The following AMPD1 variants were observed in gnomAD, a reference collection of about 807,000 sequenced individuals.
AMPD1 encodes adenosine monophosphate deaminase 1.
Under a neutral mutation model 82.9 loss-of-function variants are expected in AMPD1, and 74 were observed. The ratio of observed to expected loss-of-function variants is 0.89; its 90% CI spans 0.74 to 1.08. The LOEUF (loss-of-function observed/expected upper bound fraction) is 1.08. Ranked by LOEUF, AMPD1 falls within the 50% of genes least tolerant of loss-of-function variation. The pLI, the probability that AMPD1 is intolerant of heterozygous loss-of-function variation, is 0.00. For missense variants in AMPD1, 881 were observed against 924.5 expected (o/e 0.95, Z 0.61); for synonymous variants, 333 against 320.5 (o/e 1.04, Z -0.42).
intron 3 of AMPD1, chr1:114,687,125 C>T (rs1658344774): frequency 1.7e-6 from 1 of 590,878 alleles, no homozygotes; most frequent in African/African-American, 1.9e-5. Flanking sequence ...CTTGGAATGG[C>T]CTTAGCAATC....
At chr1:114,684,155 T>C (rs1179053065) in intron 5 of AMPD1, 44 bp downstream of exon 5, 1 of 1,579,056 alleles carries the variant, frequency 6.3e-7, no homozygotes, top group East Asian at 2.3e-5. Context: ...TATTTAGTAG[T>C]TTAAATAAAA....
intron 6 of AMPD1, 98 bp from the exon 7 acceptor site, chr1:114,679,806 A>G: frequency 6.9e-7 from 1 of 1,444,600 alleles, no homozygotes; most frequent in Non-Finnish European, 9.7e-7. Context: ...ATTCATAGGA[A>G]ATAATTGTTG....
At chr1:114,691,278 G>T (rs924525391) in intron 2 of AMPD1, among the ~76,000 whole-genome samples, 4 of 152,126 alleles carry the variant, frequency 2.6e-5, no homozygotes, top group African/African-American at 9.7e-5. Context: ...AGTGGGCCTG[G>T]CATGGTGACT....
intron 9 of AMPD1, 123 bp from the exon 10 acceptor site, chr1:114,677,637 A>G (rs1380861984): frequency 3.7e-6 from 5 of 1,349,658 alleles, no homozygotes; most frequent in Non-Finnish European, 4.1e-6. Flanking sequence ...TCCTTAATCA[A>G]TCTCAAAACC....
intron 5 of AMPD1, among the ~76,000 whole-genome samples, chr1:114,682,717 T>C (rs1025717115): frequency 7.9e-5 from 12 of 152,164 alleles, no homozygotes; most frequent in African/African-American, 1.7e-4. Context: ...TAGCTGGGAC[T>C]ACAGGCGCCC....
chr1:114,689,385 G>A (rs1658440242), intron 2 of AMPD1, among the ~76,000 whole-genome samples: 1 of 152,076 alleles, frequency 6.6e-6, no homozygotes, highest in African/African-American at 2.4e-5. Context: ...CATTTCTTGT[G>A]GACATAGGCC....
chr1:114,673,792 A>G (rs1201802035), intron 14 of AMPD1, 43 bp from the exon 15 acceptor site: 1 of 1,577,274 alleles, frequency 6.3e-7, no homozygotes, highest in South Asian at 1.1e-5. Context: ...GTGAATTAAT[A>G]AATAATATGC....
intron 5 of AMPD1, 120 bp from the exon 6 acceptor site, chr1:114,680,598 A>G (rs570638145): frequency 9.9e-6 from 8 of 806,858 alleles, no homozygotes; most frequent in East Asian, 5.0e-5. Flanking sequence ...TTAAGTTGTA[A>G]TTATCTGGAA....
Position 114,673,122 on chromosome 1 carries a change from T to C in AMPD1, c.2236A>G (p.Thr746Ala). 2 of 1,613,826 alleles carry C rather than the reference T, an allele frequency of 1.2e-6. No individual in the cohort carries two copies. Among genetic ancestry groups the C allele is most frequent in the Non-Finnish European group, 1.7e-6 (2 of 1,179,740 alleles). ...LNLIAEGLKS[T>A]E ...ATTTGGTTTACTTTTTTTTATTCTGTTGATTTAAGACCCTCAGCAATTAAA... is the reference window on the plus strand; with the variant it reads ...ATTTGGTTTACTTTTTTTTATTCTGCTGATTTAAGACCCTCAGCAATTAAA... Residue 746 changes from threonine (T) to alanine (A), a missense_variant, in exon 16 of 16, where the codon ACA becomes GCA. This residue lies in a region of AMPD1 where 98 missense variants were observed against 138.1 expected (regional missense o/e 0.71). Transcript: ENST00000520113.
intron 5 of AMPD1, 79 bp downstream of exon 5, chr1:114,684,120 A>T: frequency 2.1e-6 from 3 of 1,436,166 alleles, no homozygotes; most frequent in Non-Finnish European, 2.9e-6. Context: ...ATTACTTATA[A>T]TCTAGAGGCA....
chr1:114,689,139 T>G (rs1039738969), intron 2 of AMPD1, among the ~76,000 whole-genome samples: 1 of 152,186 alleles, frequency 6.6e-6, no homozygotes, highest in African/African-American at 2.4e-5. Context: ...GTGTTAAATA[T>G]GTGGATAGGG....
chr1:114,684,085 T>G, intron 5 of AMPD1, 114 bp downstream of exon 5: 1 of 1,169,974 alleles, frequency 8.5e-7, no homozygotes, highest in South Asian at 1.4e-5. Flanking sequence ...CAAAGATGAT[T>G]ATGACTATGA....
rs576489470 is a variant in AMPD1 at position 114,693,495 on chromosome 1, G to A, written c.23-48C>T. On this transcript the variant is annotated intron_variant, in intron 1 of 15. Transcript: ENST00000520113. ...AGATAAAATATGTGAACAACTTTCT[G>A]TAATCATGGTGGCTATTAATCACTG... 3 of 1,541,950 alleles carry A rather than the reference G, an allele frequency of 1.9e-6. No individual in the cohort carries two copies. In the Admixed American group the frequency reaches 5.0e-5, roughly 26 times the overall value.
chr1:114,684,795 G>T (rs185405405), intron 4 of AMPD1, among the ~76,000 whole-genome samples: 127 of 152,236 alleles, frequency 8.3e-4, no homozygotes, highest in Non-Finnish European at 1.8e-3. Flanking sequence ...CAAACCACTC[G>T]GTCAGTGAGG....
intron 5 of AMPD1, among the ~76,000 whole-genome samples, chr1:114,681,822 CCCTT>C (rs2101717987): frequency 6.6e-6 from 1 of 152,214 alleles, no homozygotes; most frequent in East Asian, 1.9e-4. Context: ...CATGTATCCA[CCCTT>C]ATAGTATCAT....
chr1:114,688,818 A>C (rs1297880411), intron 2 of AMPD1, 77 bp from the exon 3 acceptor site: 1 of 1,529,412 alleles, frequency 6.5e-7, no homozygotes, highest in Non-Finnish European at 9.1e-7. Context: ...TGTGTAAGGC[A>C]TGGGACAAGG....
intron 2 of AMPD1, chr1:114,689,031 C>A: frequency 3.2e-6 from 2 of 633,082 alleles, no homozygotes; most frequent in Middle Eastern, 2.6e-4. Flanking sequence ...ACTAGCACCT[C>A]AGTAAGATCA....
In AMPD1 at chr1:114,686,771, G is replaced by T; in HGVS notation, c.355C>A (p.Gln119Lys). The T allele has an allele frequency of 6.2e-7, 1 of 1,614,116 alleles. No individual in the cohort carries two copies. The highest frequency in any genetic ancestry group is 1.1e-5 in the South Asian group (1 of 91,072). The change falls in exon 4 of 16, where the codon CAG becomes AAG. Residue 119 changes from glutamine to lysine, a missense_variant. Physicochemically the swap from Gln to Lys is moderately conservative, Grantham distance 53. Around this residue, in one of 2 missense-constraint regions of AMPD1, gnomAD observed 783 missense variants for 786.4 expected, o/e 1.00. Coordinates refer to ENST00000520113, the MANE Select transcript of AMPD1 (RefSeq NM_000036.3). ...YQTVPDFQRVQITGDYASGVT... is the reference protein window; with the variant it reads ...YQTVPDFQRVKITGDYASGVT... ...CCAGAGGCATAGTCACCAGTAATCT[G>T]CACTCTCTGAAAATCAGGCACGGTC...
At position 114,673,893 on chromosome 1, in the gene AMPD1, C is replaced by A. The variant is rs774622684; in HGVS notation, c.1974+16G>T. The A allele has an allele frequency of 1.1e-5, 18 of 1,613,146 alleles. No homozygotes were observed. Among genetic ancestry groups the A allele is most frequent in the Non-Finnish European group, 1.5e-5 (18 of 1,179,178 alleles). ...TCCAGCAAAATATGCTTGTATTGCCCAAGTCCATACTATACCTTGGTAAAG... is the reference window on the plus strand; with the variant it reads ...TCCAGCAAAATATGCTTGTATTGCCAAAGTCCATACTATACCTTGGTAAAG... On this transcript the variant is annotated intron_variant, in intron 14 of 15. Coordinates refer to ENST00000520113, the MANE Select transcript of AMPD1 (RefSeq NM_000036.3).
Sources: gnomAD v4.1 joint callset for allele counts (sites outside exome capture counted in the v4.1 genomes callset) on GRCh38, gnomAD v4.1.1 for gene constraint, gnomAD v4.1.1 regional missense constraint, MANE v1.5 for transcripts, NCBI Gene and HGNC (gene_info 2026-07-23, HGNC 2026-07-21) for gene names.